Variants in SH3BP2 observed in about 807,000 individuals in gnomAD.
SH3BP2 encodes SH3 domain-binding protein 2.
A neutral mutation model predicts 56.2 loss-of-function variants in SH3BP2; 38 were observed. The observed-to-expected ratio is 0.68, with a 90% CI of 0.52 to 0.89. The LOEUF (loss-of-function observed/expected upper bound fraction) is 0.89. SH3BP2 is among the 40% of genes least tolerant of loss of function. The probability of loss-of-function intolerance (pLI) is 0.00; values close to 1 mark genes in which losing one functional copy is unlikely to be tolerated. For missense variants in SH3BP2, 748 were observed against 762.6 expected, an observed-to-expected ratio of 0.98 and a Z score of 0.23; for synonymous variants, 346 against 316.7, an observed-to-expected ratio of 1.09 and a Z score of -0.98.
At chr4:2,826,412 A>ATGTCCG (rs1724632891) in intron 5 of SH3BP2, 1 of 110,674 alleles carries the variant, frequency 9.0e-6, no homozygotes. Flanking sequence ...GTGCATGTCC[A>ATGTCCG]CGTGTTGCTC....
chr4:2,794,561 C>A (rs1723001056), intron 1 of SH3BP2, among the ~76,000 whole-genome samples: 1 of 152,178 alleles, frequency 6.6e-6, no homozygotes, highest in South Asian at 2.1e-4. Context: ...GCTCTGTGCC[C>A]TGCGTTAGGC....
At position 2,831,472 on chromosome 4, in the gene SH3BP2, C is replaced by A; in HGVS notation, c.1242-99C>A. 1.1e-6 allele frequency: 1 copy of A among 887,690 alleles called. No individual in the cohort carries two copies. The highest frequency in any genetic ancestry group is 1.8e-6 in the Non-Finnish European group (1 of 542,696). 55.0% of individuals were successfully genotyped at this position (887,690 alleles called of 1,614,324 possible). On this transcript the variant is annotated intron_variant, in intron 8 of 12. Coordinates refer to ENST00000503393, the MANE Select transcript of SH3BP2 (RefSeq NM_001122681.2). This position sits in a 1 kb window ranked among gnomAD's most constrained non-coding sequence, Gnocchi z 4.1. ...CACAGGGGCCATAGCAGGCAGCTTG[C>A]CGTCCTCACACAGAGGGTGGAGTGG...
chr4:2,824,739 G>A lies in SH3BP2; in HGVS notation c.357+9G>A. On this transcript the variant is annotated intron_variant, in intron 4 of 12. Coordinates refer to ENST00000503393, the MANE Select transcript of SH3BP2 (RefSeq NM_001122681.2). ...CCGAGGAGGAGCGCAAGGTGACTGGGGGTCCGAGGACGAGTGCAAGGTGAC... is the reference window on the plus strand; with the variant it reads ...CCGAGGAGGAGCGCAAGGTGACTGGAGGTCCGAGGACGAGTGCAAGGTGAC... 1.9e-6 allele frequency: 3 copies of A among 1,596,570 alleles called. No individual in the cohort carries two copies. Among genetic ancestry groups the A allele is most frequent in the Non-Finnish European group, 2.6e-6 (3 of 1,164,766 alleles).
chr4:2,812,288 C>G (rs1723780288), intron 1 of SH3BP2: 1 of 1,544,942 alleles, frequency 6.5e-7, no homozygotes, highest in African/African-American at 1.4e-5. Context: ...GGCCACAGGC[C>G]TCAGAAGCAG....
chr4:2,794,896 C>G (rs886544841), intron 1 of SH3BP2, among the ~76,000 whole-genome samples: 1 of 152,192 alleles, frequency 6.6e-6, no homozygotes, highest in Non-Finnish European at 1.5e-5. Flanking sequence ...CCCAGAGAGA[C>G]GAGATGGCCA....
intron 1 of SH3BP2, chr4:2,818,319 G>A (rs1446336542): frequency 7.5e-5 from 84 of 1,125,934 alleles, no homozygotes; most frequent in Admixed American, 2.0e-4. Flanking sequence ...GCCCGGGGCC[G>A]TGCCGGTGCT....
intron 12 of SH3BP2, 177 bp from the exon 13 acceptor site, chr4:2,833,520 A>C: frequency 4.2e-6 from 3 of 715,622 alleles, no homozygotes; most frequent in East Asian, 2.7e-5. Flanking sequence ...TGAGGTGGGA[A>C]CATGGAGAGC....
At chr4:2,806,536 G>A (rs998996605) in intron 1 of SH3BP2, among the ~76,000 whole-genome samples, 9 of 152,148 alleles carry the variant, frequency 5.9e-5, no homozygotes, top group African/African-American at 2.2e-4. Flanking sequence ...GGCTCCAGGC[G>A]AGCAGCAGTG....
chr4:2,825,553 C>T (rs553807458), intron 5 of SH3BP2, among the ~76,000 whole-genome samples: 10 of 151,982 alleles, frequency 6.6e-5, no homozygotes, highest in African/African-American at 1.9e-4. Context: ...CACAGCAACA[C>T]GCAGACATGC....
At chr4:2,802,404 A>ATGTGTGTGTG (rs1175501543) in intron 1 of SH3BP2, among the ~76,000 whole-genome samples, 14,733 of 135,686 alleles carry the variant, frequency 0.11, 1,050 homozygotes, top group Admixed American at 0.2. Flanking sequence ...AAAAAAATAT[A>ATGTGTGTGTG]TGTGTGTGTG....
chr4:2,800,546 A>G (rs556973541), intron 1 of SH3BP2, among the ~76,000 whole-genome samples: 4 of 71,804 alleles, frequency 5.6e-5, no homozygotes, highest in African/African-American at 3.4e-4. Context: ...TTGTCCTGTG[A>G]CCGCCCCCCC....
intron 2 of SH3BP2, 71 bp from the exon 3 acceptor site, chr4:2,822,864 G>T (rs939426811): frequency 8.5e-7 from 1 of 1,176,960 alleles, no homozygotes; most frequent in Non-Finnish European, 1.3e-6. Flanking sequence ...TTGTCCTGTG[G>T]AGGGTCCTCA....
intron 1 of SH3BP2, among the ~76,000 whole-genome samples, chr4:2,814,136 G>A (rs563474853): frequency 1.3e-5 from 2 of 152,370 alleles, no homozygotes; most frequent in African/African-American, 2.4e-5. Flanking sequence ...TCACGCCTGT[G>A]TGCATGCGAG....
In SH3BP2 at chr4:2,829,656, T is replaced by G. The variant is rs231399; in HGVS notation, c.750T>G (p.Ala250=). ...ACGGCCTCCCAGATGTTGGCCTGGC[T>G]GCTGAGGACTCCAAGAGGGACCCAC... ...PKHGLPDVGL[A]AEDSKRDPLC... is the part of the protein sequence containing the mutation. Residue 250 remains alanine (A), a synonymous_variant, in exon 8 of 13, where the codon GCT becomes GCG. Coordinates refer to ENST00000503393, the MANE Select transcript of SH3BP2 (RefSeq NM_001122681.2). This position sits in a 1 kb window ranked among gnomAD's most constrained non-coding sequence, Gnocchi z 4.9. The G allele has an allele frequency of 0.5, 799,107 of 1,611,582 alleles. 200,283 individuals are homozygous for G. The highest frequency in any genetic ancestry group is 0.62 in the Admixed American group (37,181 of 59,920).
At chr4:2,821,343 C>G (rs1724294303) in intron 2 of SH3BP2, among the ~76,000 whole-genome samples, 1 of 152,238 alleles carries the variant, frequency 6.6e-6, no homozygotes, top group African/African-American at 2.4e-5. Context: ...GTTGAGATGT[C>G]CAGGCTGGAC....
intron 1 of SH3BP2, among the ~76,000 whole-genome samples, chr4:2,813,491 A>C (rs985607367): frequency 2.0e-5 from 3 of 152,158 alleles, no homozygotes; most frequent in Non-Finnish European, 4.4e-5. Flanking sequence ...CCAAGTCTGT[A>C]AAATAGAAGT....
chr4:2,830,091 C>T lies in SH3BP2; in HGVS notation c.1185C>T (p.Ala395=), dbSNP rs1176969378. ...CGCTGAAGCTGCCAGTGCCTGAGGC[C>T]ATGGCGCGGCCCGCAGTCCTGCCCA... is the stretch of plus-strand genomic sequence containing the variant. ...PPALKLPVPE[A]MARPAVLPRP... Residue 395 remains alanine, a synonymous_variant, in exon 8 of 13, where the codon GCC becomes GCT. Transcript: ENST00000503393. 1 of 1,608,282 alleles carries T rather than the reference C, an allele frequency of 6.2e-7. No individual in the cohort carries two copies. Among genetic ancestry groups the T allele is most frequent in the Non-Finnish European group, 8.5e-7 (1 of 1,179,168 alleles).
At chr4:2,819,423 C>A (rs1451902244) in intron 1 of SH3BP2, among the ~76,000 whole-genome samples, 1 of 152,112 alleles carries the variant, frequency 6.6e-6, no homozygotes, top group Non-Finnish European at 1.5e-5. Flanking sequence ...TAGGGTCTTG[C>A]TATGTTGCCC....
intron 1 of SH3BP2, among the ~76,000 whole-genome samples, chr4:2,813,931 G>T (rs1196044256): frequency 6.6e-6 from 1 of 152,194 alleles, no homozygotes; most frequent in East Asian, 1.9e-4. Flanking sequence ...GGGTGACCTG[G>T]TATCTTCTCC....
Sources: gnomAD v4.1 joint callset for allele counts (sites outside exome capture counted in the v4.1 genomes callset) on GRCh38, gnomAD v4.1.1 for gene constraint, Gnocchi (gnomAD v3.1) non-coding constraint, MANE v1.5 for transcripts, NCBI Gene and HGNC (gene_info 2026-07-23, HGNC 2026-07-21) for gene names.